The following DYNC1H1 variants were observed in gnomAD, a reference collection of about 807,000 sequenced individuals.
The protein encoded by DYNC1H1 is cytoplasmic dynein 1 heavy chain 1.
A neutral mutation model predicts 527.1 loss-of-function variants in DYNC1H1; 51 were observed. That is an observed-to-expected ratio of 0.10 (90% CI 0.08 to 0.12). The LOEUF (loss-of-function observed/expected upper bound fraction) is 0.12. Among genes scored for constraint, DYNC1H1 ranks in the 10% least tolerant of loss-of-function variants. DYNC1H1 has a pLI of 1.00. For synonymous variants in DYNC1H1, 2,189 were observed against 2,278.8 expected, an observed-to-expected ratio of 0.96 and a Z score of 1.12; for missense variants, 2,771 against 5,971.8, an observed-to-expected ratio of 0.46 and a Z score of 17.66.
In DYNC1H1 at chr14:101,994,036, T is replaced by G; in HGVS notation, c.3016-148T>G. 2.8e-6 allele frequency: 3 copies of G among 1,077,862 alleles called. No homozygotes were observed. The South Asian group carries it at 3.8e-5, about 14-fold the overall frequency. 66.8% of individuals were successfully genotyped at this position (1,077,862 alleles called of 1,614,324 possible). ...AAATATAAGTAGGCTTTCTGGTTAC[T>G]TGTGGCCAGGGTAAGTGGATGTTAT... On this transcript the variant is annotated intron_variant, in intron 11 of 77. Coordinates refer to ENST00000360184, the MANE Select transcript of DYNC1H1 (RefSeq NM_001376.5).
chr14:102,033,611 G>C lies in DYNC1H1; in HGVS notation c.10413+127G>C. ...GCTCTTTAACATCTGTAAGGCCCCG[G>C]AGGACTTTTTTCCTGGAAAATAATA... On this transcript the variant is annotated intron_variant, in intron 54 of 77. Transcript: ENST00000360184. The surrounding 1 kb of genome is among the most constrained non-coding windows in gnomAD (Gnocchi z 5.6). The C allele has an allele frequency of 7.8e-7, 1 of 1,277,486 alleles. No homozygotes were observed. The highest frequency in any genetic ancestry group is 1.1e-6 in the Non-Finnish European group (1 of 909,802). 79.1% of individuals were successfully genotyped at this position (1,277,486 alleles called of 1,614,324 possible).
rs776128986 is a variant in DYNC1H1, at chr14:101,995,081, T to C, written c.3429T>C (p.His1143=). ...QMLGSNMTEF[H]SQISKSRQEL... is the part of the protein sequence containing the mutation. Reference sequence around the variant, plus strand: ...TAGGATCAAACATGACGGAATTCCATTCCCAGATCTCAAAGGTGAGGACAT... The same window carrying C: ...TAGGATCAAACATGACGGAATTCCACTCCCAGATCTCAAAGGTGAGGACAT... The change falls in exon 14 of 78, where the codon CAT becomes CAC. Residue 1143 remains histidine (H), a synonymous_variant. Transcript: ENST00000360184. 7.4e-6 allele frequency: 12 copies of C among 1,613,972 alleles called. No homozygotes were observed. The highest frequency in any genetic ancestry group is 9.3e-6 in the Non-Finnish European group (11 of 1,179,962).
rs1595625498 is a variant in DYNC1H1 at position 102,032,255 on chromosome 14, C to T, written c.9884-17C>T. 6 of 1,613,280 alleles carry T rather than the reference C, an allele frequency of 3.7e-6. No homozygotes were observed. Among genetic ancestry groups the T allele is most frequent in the Non-Finnish European group, 8.5e-7 (1 of 1,180,028 alleles). On this transcript the variant is annotated splice_polypyrimidine_tract_variant and intron_variant, in intron 51 of 77. Coordinates refer to ENST00000360184, the MANE Select transcript of DYNC1H1 (RefSeq NM_001376.5). ...TCTCCCACCCATCGACCCTCATCCACTCCTGCTGCCACTCAGCTGTGAAGT... is the reference window on the plus strand; with the variant it reads ...TCTCCCACCCATCGACCCTCATCCATTCCTGCTGCCACTCAGCTGTGAAGT...
intron 42 of DYNC1H1, among the ~76,000 whole-genome samples, chr14:102,021,201 AC>A (rs1160536451): frequency 6.6e-6 from 1 of 152,080 alleles, no homozygotes; most frequent in South Asian, 2.1e-4. Context: ...ACATAGTGAG[AC>A]CCCCATCTCT....
rs752566787 is a variant in DYNC1H1 at position 101,997,867 on chromosome 14, G to GA, written c.3804+601dup. Among the ~76,000 whole-genome samples, 5 of 151,940 alleles carry GA rather than the reference G, an allele frequency of 3.3e-5. No homozygotes were observed. The highest frequency in any genetic ancestry group is 4.4e-5 in the Non-Finnish European group (3 of 67,958). On this transcript the variant is annotated intron_variant, in intron 16 of 77. Transcript: ENST00000360184. The surrounding 1 kb of genome is among the most constrained non-coding windows in gnomAD (Gnocchi z 4.8). ...ATGGAATCACGCTCCGTGGGAGAGA[G>GA]AAAAAAAATGAGCAAGAAGAGACAG...
intron 12 of DYNC1H1, 108 bp downstream of exon 12, chr14:101,994,432 T>TG (rs2048034325): frequency 7.3e-6 from 11 of 1,507,712 alleles, no homozygotes; most frequent in Non-Finnish European, 1.0e-5. Flanking sequence ...GTATGTATGG[T>TG]TCACTAGATA....
At chr14:101,972,181 T>C (rs764922994) in intron 1 of DYNC1H1, among the ~76,000 whole-genome samples, 14 of 150,652 alleles carry the variant, frequency 9.3e-5, no homozygotes, top group Non-Finnish European at 3.0e-5. Flanking sequence ...TAAGAATTAA[T>C]AATCAAGTGT....
In DYNC1H1 at chr14:102,001,802, C is replaced by CA; in HGVS notation, c.4542+122dup. The CA allele has an allele frequency of 7.4e-7, 1 of 1,355,572 alleles. No individual in the cohort carries two copies. Among genetic ancestry groups the CA allele is most frequent in the South Asian group, 1.3e-5 (1 of 79,854 alleles). The allele number at this position is 1,355,572 out of a possible 1,614,324, so 84.0% of individuals were successfully genotyped here. A position where few individuals can be genotyped will look rare whatever the true frequency, so the allele number is the denominator to read the frequency against. The stretch of plus-strand genomic sequence containing the variant: ...TATTGTATTTTTTGAGACAGGGTCT[C>CA]ACTCTGTCTCCCACGCTGGAGTGCA... On this transcript the variant is annotated intron_variant, in intron 21 of 77. Coordinates refer to ENST00000360184, the MANE Select transcript of DYNC1H1 (RefSeq NM_001376.5). The surrounding 1 kb of genome is among the most constrained non-coding windows in gnomAD (Gnocchi z 5.0).
intron 1 of DYNC1H1, among the ~76,000 whole-genome samples, chr14:101,975,458 CA>C (rs2047790421): frequency 6.6e-6 from 1 of 152,164 alleles, no homozygotes; most frequent in African/African-American, 2.4e-5. Context: ...TTTCATGCAC[CA>C]ACTCAGTTAT....
intron 16 of DYNC1H1, among the ~76,000 whole-genome samples, chr14:101,999,545 G>A (rs959757711): frequency 2.0e-5 from 3 of 152,222 alleles, no homozygotes; most frequent in Admixed American, 6.5e-5. Context: ...AAATGGTAGT[G>A]TTAATGCTGA....
chr14:102,022,478 C>T (rs889174297), intron 42 of DYNC1H1, among the ~76,000 whole-genome samples: 1 of 150,280 alleles, frequency 6.7e-6, no homozygotes, highest in Non-Finnish European at 1.5e-5. Context: ...TGCACTCCAG[C>T]CTTGGCGACA....
Position 102,011,036 on chromosome 14 carries a change from A to G in DYNC1H1, c.6618+84A>G. On this transcript the variant is annotated intron_variant, in intron 32 of 77. Coordinates refer to ENST00000360184, the MANE Select transcript of DYNC1H1 (RefSeq NM_001376.5). The surrounding 1 kb of genome is among the most constrained non-coding windows in gnomAD (Gnocchi z 5.3). ...GGTAATGACAACCGTGGGCCCTTCG[A>G]TGAAACTGTCCACAAAGGCTGTGGA... The G allele has an allele frequency of 7.0e-7, 1 of 1,428,742 alleles. No homozygotes were observed. Among genetic ancestry groups the G allele is most frequent in the Non-Finnish European group, 9.9e-7 (1 of 1,013,580 alleles). The allele number at this position is 1,428,742 out of a possible 1,614,324, so 88.5% of individuals were successfully genotyped here. A position where few individuals can be genotyped will look rare whatever the true frequency, so the allele number is the denominator to read the frequency against.
intron 16 of DYNC1H1, 139 bp from the exon 17 acceptor site, chr14:101,999,850 A>T (rs948398163): frequency 2.5e-6 from 3 of 1,188,984 alleles, no homozygotes; most frequent in African/African-American, 3.0e-5. Flanking sequence ...CATCTTGTTG[A>T]ATGTTTCCTT....
At chr14:101,973,423 G>T (rs576330416) in intron 1 of DYNC1H1, among the ~76,000 whole-genome samples, 39 of 152,196 alleles carry the variant, frequency 2.6e-4, no homozygotes, top group Admixed American at 1.8e-3. Context: ...GCCTCCCAAA[G>T]TGCTGAGATT....
chr14:101,967,023 A>G (rs1360529197), intron 1 of DYNC1H1, among the ~76,000 whole-genome samples: 1 of 152,214 alleles, frequency 6.6e-6, no homozygotes, highest in African/African-American at 2.4e-5. Flanking sequence ...CTGTATTTAT[A>G]ACAATCCTTG....
intron 5 of DYNC1H1, among the ~76,000 whole-genome samples, chr14:101,980,805 T>G (rs535582093): frequency 6.6e-6 from 1 of 152,348 alleles, no homozygotes; most frequent in Admixed American, 6.5e-5. Context: ...CACAGATTCC[T>G]TCTTGTTTCC....
In DYNC1H1 at chr14:101,983,689, G is replaced by A; in HGVS notation, c.1461+80G>A. On this transcript the variant is annotated intron_variant, in intron 7 of 77. Transcript: ENST00000360184. The surrounding 1 kb of genome is among the most constrained non-coding windows in gnomAD (Gnocchi z 5.3). Reference sequence around the variant, plus strand: ...TGTTTGGTGTTTTTTTTTTGTTGTTGTTGTTGAGATGAAGTTTCACTCTTG... The same window carrying A: ...TGTTTGGTGTTTTTTTTTTGTTGTTATTGTTGAGATGAAGTTTCACTCTTG... The A allele has an allele frequency of 6.8e-7, 1 of 1,473,980 alleles. No homozygotes were observed. 91.3% of individuals were successfully genotyped at this position (1,473,980 alleles called of 1,614,324 possible).
Position 102,028,123 on chromosome 14 carries a change from T to C in DYNC1H1, c.9450T>C (p.Val3150=), listed in dbSNP as rs1444591574. 7 of 1,613,948 alleles carry C rather than the reference T, an allele frequency of 4.3e-6. No homozygotes were observed. Among genetic ancestry groups the C allele is most frequent in the Non-Finnish European group, 5.9e-6 (7 of 1,179,954 alleles). ...REAIVNSCVF[V]HQTLHQANAR... Reference sequence around the variant, plus strand: ...CCATTGTGAACAGCTGTGTGTTTGTTCATCAGACTCTTCACCAGGTGGGTT... The same window carrying C: ...CCATTGTGAACAGCTGTGTGTTTGTCCATCAGACTCTTCACCAGGTGGGTT... Residue 3150 remains valine (V), a synonymous_variant, in exon 48 of 78, where the codon GTT becomes GTC. Coordinates refer to ENST00000360184, the MANE Select transcript of DYNC1H1 (RefSeq NM_001376.5).
chr14:101,992,558 C>A (rs2048009437), intron 11 of DYNC1H1, among the ~76,000 whole-genome samples: 1 of 152,152 alleles, frequency 6.6e-6, no homozygotes, highest in African/African-American at 2.4e-5. Context: ...CCCTAGAGCC[C>A]ATCCCCTCAC....
Sources: gnomAD v4.1 joint callset for allele counts (sites outside exome capture counted in the v4.1 genomes callset) on GRCh38, gnomAD v4.1.1 for gene constraint, Gnocchi (gnomAD v3.1) non-coding constraint, MANE v1.5 for transcripts, NCBI Gene and HGNC (gene_info 2026-07-23, HGNC 2026-07-21) for gene names.